BLTP2: variants seen among roughly 807,000 people sequenced by gnomAD.
BLTP2 encodes bridge-like lipid transfer protein family member 2.
the BLTP2 span, chr17:28,643,008 T>G: frequency 2.0e-6 from 3 of 1,529,536 alleles, no homozygotes; most frequent in African/African-American, 4.1e-5. Flanking sequence ...GAAGCAAGGA[T>G]GAACAATAAT....
the BLTP2 span, chr17:28,644,971 GC>G: frequency 5.1e-6 from 8 of 1,563,336 alleles, no homozygotes; most frequent in Non-Finnish European, 6.1e-6. Context: ...CGCCGCCGGC[GC>G]GGCCGGGAAC....
the BLTP2 span, chr17:28,618,800 G>C: frequency 6.2e-7 from 1 of 1,613,352 alleles, no homozygotes; most frequent in Non-Finnish European, 8.5e-7. Context: ...CCTTGCTGTA[G>C]AGGAACCTCT....
At chr17:28,638,376 C>A in the BLTP2 span, 2 of 1,614,150 alleles carry the variant, frequency 1.2e-6, no homozygotes, top group Non-Finnish European at 1.7e-6. Context: ...AGTTAGGACG[C>A]CCCGCTGATG....
chr17:28,618,014 C>G, the BLTP2 span, among the ~76,000 whole-genome samples: 1 of 150,070 alleles, frequency 6.7e-6, no homozygotes, highest in Non-Finnish European at 1.5e-5. Flanking sequence ...CTCACTGCAA[C>G]CTCCACCTCC....
chr17:28,635,821 A>T, the BLTP2 span: 7 of 515,092 alleles, frequency 1.4e-5, no homozygotes, highest in Non-Finnish European at 2.0e-5. Flanking sequence ...AAGAGCACTT[A>T]TACTTTTTAA....
chr17:28,631,296 C>A, the BLTP2 span, among the ~76,000 whole-genome samples: 5 of 152,324 alleles, frequency 3.3e-5, no homozygotes, highest in East Asian at 9.6e-4. Flanking sequence ...GCCAGGAAGA[C>A]AGCCCTCACC....
chr17:28,645,037 G>A, the BLTP2 span: 2 of 1,601,768 alleles, frequency 1.2e-6, no homozygotes, highest in Non-Finnish European at 1.7e-6. Context: ...GACCAACAGC[G>A]CGGAGAAGAA....
At chr17:28,635,782 G>C in the BLTP2 span, 3 of 618,400 alleles carry the variant, frequency 4.9e-6, no homozygotes, top group African/African-American at 3.7e-5. Flanking sequence ...CTAATGTGCT[G>C]AGCTGACAGT....
chr17:28,635,226 C>G, the BLTP2 span: 1 of 1,614,114 alleles, frequency 6.2e-7, no homozygotes, highest in Non-Finnish European at 8.5e-7. Context: ...GCACCTCCAC[C>G]TCCTTGAAGT....
the BLTP2 span, chr17:28,643,749 A>G: frequency 7.7e-7 from 1 of 1,303,848 alleles, no homozygotes; most frequent in African/African-American, 1.5e-5. Context: ...GGATTATTAG[A>G]ATTTCTCTTT....
the BLTP2 span, chr17:28,637,843 G>T: frequency 6.2e-7 from 1 of 1,613,738 alleles, no homozygotes; most frequent in South Asian, 1.1e-5. Flanking sequence ...TACCAACCAA[G>T]GCAGAAAGGG....
the BLTP2 span, among the ~76,000 whole-genome samples, chr17:28,627,161 G>A: frequency 1.3e-5 from 2 of 152,178 alleles, no homozygotes; most frequent in East Asian, 3.9e-4. Flanking sequence ...TGTGTCAATT[G>A]TTTTCGAGTG....
At chr17:28,632,912 C>T in the BLTP2 span, 1 of 1,477,586 alleles carries the variant, frequency 6.8e-7, no homozygotes, top group Non-Finnish European at 9.0e-7. Context: ...CCAAGCCCTT[C>T]CTCCCCACTG....
chr17:28,644,960 C>CCGCCGG, the BLTP2 span: 1 of 1,557,952 alleles, frequency 6.4e-7, no homozygotes, highest in Non-Finnish European at 8.7e-7. Flanking sequence ...GCCGCCGCCG[C>CCGCCGG]CGCCGCCGGC....
At chr17:28,643,419 C>T in the BLTP2 span, 1 of 1,480,158 alleles carries the variant, frequency 6.8e-7, no homozygotes, top group Non-Finnish European at 9.4e-7. Context: ...TAGCTCAAAT[C>T]ACAGAGATTA....
the BLTP2 span, chr17:28,616,758 A>G: frequency 6.2e-7 from 1 of 1,613,972 alleles, no homozygotes; most frequent in Non-Finnish European, 8.5e-7. This position sits in a 1 kb window ranked among gnomAD's most constrained non-coding sequence, Gnocchi z 4.8. Flanking sequence ...ATTTACCTAA[A>G]AAGGAAAAAG....
chr17:28,621,034 T>G, the BLTP2 span: 6 of 1,614,210 alleles, frequency 3.7e-6, no homozygotes, highest in South Asian at 6.6e-5. Flanking sequence ...TCTCAAGAAC[T>G]TCAGGTGGCT....
the BLTP2 span, chr17:28,628,323 G>A: frequency 3.7e-6 from 6 of 1,614,168 alleles, no homozygotes; most frequent in South Asian, 3.3e-5. Context: ...CACGAGGTGG[G>A]GCTGAGGCAC....
the BLTP2 span, among the ~76,000 whole-genome samples, chr17:28,643,894 G>T: frequency 6.6e-6 from 1 of 152,188 alleles, no homozygotes; most frequent in Non-Finnish European, 1.5e-5. Context: ...TGAACAACTT[G>T]CAGCGTTCTC....
Sources: gnomAD v4.1 joint callset for allele counts (sites outside exome capture counted in the v4.1 genomes callset) on GRCh38, gnomAD v4.1.1 for gene constraint, Gnocchi (gnomAD v3.1) non-coding constraint, MANE v1.5 for transcripts, NCBI Gene and HGNC (gene_info 2026-07-23, HGNC 2026-07-21) for gene names.